Variants in RAB3IL1 observed in about 807,000 individuals in gnomAD.
The protein encoded by RAB3IL1 is RAB3A interacting protein like 1.
A neutral mutation model predicts 49.2 loss-of-function variants in RAB3IL1; 37 were observed. The ratio of observed to expected loss-of-function variants is 0.75; its 90% CI spans 0.58 to 0.99. RAB3IL1 has a LOEUF of 0.99. Ranked by LOEUF, RAB3IL1 falls within the 50% of genes least tolerant of loss-of-function variation. RAB3IL1 has a pLI of 0.00. For synonymous variants in RAB3IL1, 193 were observed against 213.9 expected, an observed-to-expected ratio of 0.90 and a Z score of 0.85; for missense variants, 484 against 513.0, an observed-to-expected ratio of 0.94 and a Z score of 0.55.
chr11:61,935,155 G>A, the RAB3IL1 span, among the ~76,000 whole-genome samples: 4 of 152,302 alleles, frequency 2.6e-5, no homozygotes, highest in African/African-American at 9.6e-5. Context: ...TAGGTCAGGT[G>A]TGTTGGCTCA....
At chr11:61,934,073 C>G in the RAB3IL1 span, among the ~76,000 whole-genome samples, 1 of 152,076 alleles carries the variant, frequency 6.6e-6, no homozygotes, top group Non-Finnish European at 1.5e-5. Flanking sequence ...GGTAGAAAGT[C>G]TAGCTATACT....
chr11:61,906,503 G>GT lies in RAB3IL1; in HGVS notation c.619_620insA (p.Ala207AspfsTer73). On this transcript the variant is annotated frameshift_variant, in exon 5 of 10. Coordinates refer to ENST00000394836, the MANE Select transcript of RAB3IL1 (RefSeq NM_013401.4). LOFTEE classifies it high-confidence loss of function. This position sits in a 1 kb window ranked among gnomAD's most constrained non-coding sequence, Gnocchi z 4.6. ...TCTGTCTGGGGTGAGGGTGTGTCCCGCAGCGGGACACACGGCGGGGCAGAG... is the reference window on the plus strand; with the variant it reads ...TCTGTCTGGGGTGAGGGTGTGTCCCGTCAGCGGGACACACGGCGGGGCAGAG... 6.5e-7 allele frequency: 1 copy of GT among 1,549,232 alleles called. No homozygotes were observed. Among genetic ancestry groups the GT allele is most frequent in the Non-Finnish European group, 8.7e-7 (1 of 1,148,636 alleles).
chr11:61,920,884 T>C (rs2727259), upstream of RAB3IL1, among the ~76,000 whole-genome samples: 39,858 of 152,070 alleles, frequency 0.26, 6,675 homozygotes, highest in East Asian at 0.65. Flanking sequence ...GACTGGGCCA[T>C]TGCACTCCAG....
upstream of RAB3IL1, among the ~76,000 whole-genome samples, chr11:61,917,981 CA>C (rs1487121837): frequency 6.6e-6 from 1 of 152,186 alleles, no homozygotes; most frequent in African/African-American, 2.4e-5. Context: ...GGGGAGGGGA[CA>C]AACCCGAAAC....
intron 8 of RAB3IL1, among the ~76,000 whole-genome samples, chr11:61,901,589 A>G (rs1310944396): frequency 6.6e-6 from 1 of 152,218 alleles, no homozygotes; most frequent in Non-Finnish European, 1.5e-5. Context: ...GCTGCATCTC[A>G]GCCGACTGGA....
intron 7 of RAB3IL1, 97 bp downstream of exon 7, chr11:61,904,449 G>A (rs566677219): frequency 5.5e-5 from 66 of 1,204,646 alleles, no homozygotes; most frequent in African/African-American, 3.8e-4. Flanking sequence ...CTGTCCTGTC[G>A]GCGCTGCTGC....
At chr11:61,899,734 AACCG>A in intron 8 of RAB3IL1, 1 of 263,470 alleles carries the variant, frequency 3.8e-6, no homozygotes, top group Non-Finnish European at 7.6e-6. Context: ...CTGTGAGATG[AACCG>A]GGCAGGCTGT....
chr11:61,906,748 C>A lies in RAB3IL1; in HGVS notation c.439-64G>T. ...TGGATGCCATCCTGGCTGCCACCGC[C>A]TATCAGCCTAACTCAGGACAATGCA... On this transcript the variant is annotated intron_variant, in intron 4 of 9. Transcript: ENST00000394836. This position sits in a 1 kb window ranked among gnomAD's most constrained non-coding sequence, Gnocchi z 4.6. 1 of 1,454,048 alleles carries A rather than the reference C, an allele frequency of 6.9e-7. No homozygotes were observed. The highest frequency in any genetic ancestry group is 1.2e-5 in the South Asian group (1 of 82,680). 90.1% of individuals were successfully genotyped at this position (1,454,048 alleles called of 1,614,324 possible).
At chr11:61,902,584 G>C (rs1487856014) in intron 7 of RAB3IL1, 43 bp from the exon 8 acceptor site, 1 of 1,521,580 alleles carries the variant, frequency 6.6e-7, no homozygotes, top group Middle Eastern at 1.7e-4. Context: ...GCTGGGGCTT[G>C]CCCCTCTCCC....
At chr11:61,911,464 A>G (rs1939451765) in intron 1 of RAB3IL1, among the ~76,000 whole-genome samples, 1 of 152,142 alleles carries the variant, frequency 6.6e-6, no homozygotes, top group Admixed American at 6.5e-5. Flanking sequence ...CCCAAGCCAG[A>G]ATCTCCAATC....
chr11:61,922,462 C>T (rs1261760886), upstream of RAB3IL1, among the ~76,000 whole-genome samples: 2 of 151,782 alleles, frequency 1.3e-5, no homozygotes, highest in African/African-American at 2.4e-5. Flanking sequence ...GCAGAGGTTG[C>T]GGTGAGCTGA....
At chr11:61,931,703 G>C in the RAB3IL1 span, among the ~76,000 whole-genome samples, 2 of 152,152 alleles carry the variant, frequency 1.3e-5, no homozygotes, top group African/African-American at 4.8e-5. Flanking sequence ...CTCAGGATGA[G>C]AAAAGAAGGT....
At chr11:61,912,792 T>G (rs1398116203) in intron 1 of RAB3IL1, among the ~76,000 whole-genome samples, 1 of 151,286 alleles carries the variant, frequency 6.6e-6, no homozygotes. Context: ...GCCCAAGTAC[T>G]GGAGGTGCCA....
At chr11:61,944,591 G>A in the RAB3IL1 span, among the ~76,000 whole-genome samples, 2 of 152,146 alleles carry the variant, frequency 1.3e-5, no homozygotes, top group African/African-American at 4.8e-5. Flanking sequence ...CGATGCTCCC[G>A]GGCCCCTCCC....
upstream of RAB3IL1, among the ~76,000 whole-genome samples, chr11:61,924,040 C>T (rs1378494719): frequency 6.6e-6 from 1 of 152,176 alleles, no homozygotes; most frequent in East Asian, 1.9e-4. Context: ...AGCCAGGCCC[C>T]GGGGACAGTC....
intron 7 of RAB3IL1, among the ~76,000 whole-genome samples, chr11:61,903,006 G>A (rs1016464202): frequency 2.6e-5 from 4 of 151,910 alleles, no homozygotes; most frequent in African/African-American, 7.3e-5. Context: ...GTTCTCAGCC[G>A]CATGCCAACC....
the RAB3IL1 span, among the ~76,000 whole-genome samples, chr11:61,945,104 C>A: frequency 6.6e-6 from 1 of 152,190 alleles, no homozygotes; most frequent in Non-Finnish European, 1.5e-5. Context: ...GGAAAGGCAG[C>A]TAAGGCAGCC....
intron 1 of RAB3IL1, among the ~76,000 whole-genome samples, chr11:61,909,884 A>C (rs1182741426): frequency 6.6e-6 from 1 of 152,206 alleles, no homozygotes; most frequent in East Asian, 1.9e-4. Context: ...AGGCAGGTGG[A>C]TCACCTGAGG....
At chr11:61,933,765 C>T in the RAB3IL1 span, among the ~76,000 whole-genome samples, 53 of 151,856 alleles carry the variant, frequency 3.5e-4, no homozygotes, top group Admixed American at 1.8e-3. Flanking sequence ...GGCAACATGG[C>T]GAAACCCTGT....
Sources: gnomAD v4.1 joint callset for allele counts (sites outside exome capture counted in the v4.1 genomes callset) on GRCh38, gnomAD v4.1.1 for gene constraint, Gnocchi (gnomAD v3.1) non-coding constraint, MANE v1.5 for transcripts, NCBI Gene and HGNC (gene_info 2026-07-23, HGNC 2026-07-21) for gene names.